OPCML: variants seen among roughly 807,000 people sequenced by gnomAD.
OPCML encodes opioid-binding protein/cell adhesion molecule.
In OPCML, 13 loss-of-function variants were observed where a neutral mutation model predicts 37.8. That is an observed-to-expected ratio of 0.34 (90% confidence interval 0.22 to 0.55). OPCML has a LOEUF of 0.55. Among genes scored for constraint, OPCML ranks in the 20% least tolerant of loss-of-function variants. The pLI, the probability that OPCML is intolerant of heterozygous loss-of-function variation, is 0.91. For synonymous variants in OPCML, 176 were observed against 168.8 expected, an observed-to-expected ratio of 1.04 and a Z score of -0.33; for missense variants, 341 against 435.6, an observed-to-expected ratio of 0.78 and a Z score of 1.93.
chr11:133,268,664 G>A (rs11223419), intron 1 of OPCML, among the ~76,000 whole-genome samples: 2,943 of 152,224 alleles, frequency 0.019, 37 homozygotes, highest in Non-Finnish European at 0.03. Context: ...ACAATTTAAG[G>A]TAATGCATAC....
At chr11:132,438,482 G>T (rs1379999412) in intron 4 of OPCML, among the ~76,000 whole-genome samples, 1 of 151,952 alleles carries the variant, frequency 6.6e-6, no homozygotes, top group Non-Finnish European at 1.5e-5. Context: ...GTCTGTGGAG[G>T]GGGTGGGCCA....
At chr11:132,448,526 C>T (rs763252199) in intron 4 of OPCML, among the ~76,000 whole-genome samples, 10 of 152,116 alleles carry the variant, frequency 6.6e-5, no homozygotes, top group Non-Finnish European at 8.8e-5. Flanking sequence ...ACTCAAGGGG[C>T]GAAGTCTCCA....
intron 2 of OPCML, among the ~76,000 whole-genome samples, chr11:132,779,180 C>T (rs2136145176): frequency 6.6e-6 from 1 of 152,224 alleles, no homozygotes; most frequent in East Asian, 1.9e-4. Context: ...GCTGGCCAGG[C>T]TGGCCTCGAA....
At chr11:132,978,887 C>A (rs1946523299) in intron 1 of OPCML, among the ~76,000 whole-genome samples, 1 of 152,134 alleles carries the variant, frequency 6.6e-6, no homozygotes, top group Admixed American at 6.5e-5. Flanking sequence ...TGCTCAGTTA[C>A]CCTCTCCACT....
intron 3 of OPCML, among the ~76,000 whole-genome samples, chr11:132,625,789 G>A (rs1304890879): frequency 2.0e-5 from 3 of 152,048 alleles, no homozygotes; most frequent in Non-Finnish European, 4.4e-5. Context: ...ACAGGTATAT[G>A]TGATGTGAGG....
chr11:133,000,050 ATTTTTG>A (rs1946968964), intron 1 of OPCML, among the ~76,000 whole-genome samples: 4 of 152,280 alleles, frequency 2.6e-5, no homozygotes, highest in Admixed American at 2.6e-4. Flanking sequence ...TTAGAACTTC[ATTTTTG>A]TTTTTGTTTT....
intron 4 of OPCML, among the ~76,000 whole-genome samples, chr11:132,441,180 T>TTTTTTTTTG (rs2096032796): frequency 8.2e-6 from 1 of 122,552 alleles, no homozygotes; most frequent in African/African-American, 3.3e-5. Flanking sequence ...TTTTTTTTTT[T>TTTTTTTTTG]TTTTTGAGAC....
intron 1 of OPCML, among the ~76,000 whole-genome samples, chr11:133,514,181 T>C (rs11824805): frequency 0.17 from 26,154 of 152,140 alleles, 5,545 homozygotes; most frequent in African/African-American, 0.51. Context: ...GTGTTTGCAG[T>C]AGGGATCATG....
intron 2 of OPCML, among the ~76,000 whole-genome samples, chr11:132,731,238 A>G (rs1352881418): frequency 1.3e-5 from 2 of 152,210 alleles, no homozygotes; most frequent in Non-Finnish European, 2.9e-5. Context: ...ACAAATCTAA[A>G]GACTCAAAAA....
intron 1 of OPCML, among the ~76,000 whole-genome samples, chr11:133,166,210 T>C (rs4937753): frequency 0.43 from 64,908 of 152,046 alleles, 14,405 homozygotes; most frequent in South Asian, 0.55. Flanking sequence ...CACAGTTCAG[T>C]AGAAGAGTCA....
rs569421878 is a variant in OPCML, at chr11:133,485,645, G to A, written c.61+46619C>T. Among the ~76,000 whole-genome samples the A allele has an allele frequency of 2.1e-3, 316 of 152,298 alleles. 1 individual carries two copies. The highest frequency in any genetic ancestry group is 7.5e-3 in the African/African-American group (311 of 41,570). The stretch of plus-strand genomic sequence containing the variant: ...GAGCTTGCAGCAAAACATCTCCAAA[G>A]AGTTCCTTAGAGTTGGTACATTCCA... On this transcript the variant is annotated intron_variant, in intron 1 of 7. Transcript: ENST00000524381.
At chr11:133,371,590 T>C (rs1766747705) in intron 1 of OPCML, among the ~76,000 whole-genome samples, 1 of 152,196 alleles carries the variant, frequency 6.6e-6, no homozygotes, top group Non-Finnish European at 1.5e-5. Flanking sequence ...TAGTTTACCC[T>C]GCTCTCCTCT....
At chr11:133,282,811 G>A (rs1174263987) in intron 1 of OPCML, among the ~76,000 whole-genome samples, 1 of 152,196 alleles carries the variant, frequency 6.6e-6, no homozygotes, top group East Asian at 1.9e-4. Context: ...GTACCAGTGT[G>A]GCTTGGATAT....
chr11:132,871,153 A>T (rs1213155262), intron 2 of OPCML, among the ~76,000 whole-genome samples: 2 of 151,968 alleles, frequency 1.3e-5, no homozygotes, highest in Admixed American at 6.6e-5. Context: ...CCAAAACAAC[A>T]TGTTGTACAA....
intron 3 of OPCML, among the ~76,000 whole-genome samples, chr11:132,576,336 T>C (rs1353089955): frequency 6.6e-6 from 1 of 152,082 alleles, no homozygotes; most frequent in Non-Finnish European, 1.5e-5. Flanking sequence ...TTTCTCTTTT[T>C]GTTCTCTGAT....
At chr11:132,788,078 A>C (rs1947284274) in intron 2 of OPCML, among the ~76,000 whole-genome samples, 1 of 152,030 alleles carries the variant, frequency 6.6e-6, no homozygotes, top group Non-Finnish European at 1.5e-5. Flanking sequence ...ATGGGGTTTC[A>C]CCATGTTGGC....
chr11:132,729,394 C>G (rs1287397210), intron 2 of OPCML, among the ~76,000 whole-genome samples: 1 of 151,680 alleles, frequency 6.6e-6, no homozygotes, highest in East Asian at 1.9e-4. Context: ...ATAGATTTTA[C>G]ACACACACAC....
intron 3 of OPCML, among the ~76,000 whole-genome samples, chr11:132,580,909 A>G (rs947882623): frequency 5.3e-5 from 8 of 152,144 alleles, no homozygotes; most frequent in African/African-American, 1.7e-4. Context: ...GCTTCATATA[A>G]TGCTCTGAAA....
At chr11:132,917,637 G>A (rs1032251263) in intron 2 of OPCML, among the ~76,000 whole-genome samples, 16 of 152,152 alleles carry the variant, frequency 1.1e-4, no homozygotes, top group Non-Finnish European at 4.4e-5. Context: ...AGAAGCTGTA[G>A]GTTTTCTTGT....
Sources: allele counts gnomAD v4.1 joint callset (sites outside exome capture counted in the v4.1 genomes callset), GRCh38; gene constraint gnomAD v4.1.1; transcripts MANE v1.5; gene names NCBI Gene and HGNC (gene_info 2026-07-23, HGNC 2026-07-21).